The following ASPH variants were observed in gnomAD, a reference collection of about 807,000 sequenced individuals.
ASPH encodes aspartyl/asparaginyl beta-hydroxylase.
Under a neutral mutation model 118.4 loss-of-function variants are expected in ASPH, and 100 were observed. The observed-to-expected ratio is 0.84, with a 90% CI of 0.72 to 1.00. The LOEUF (loss-of-function observed/expected upper bound fraction) is 1.00. Among genes scored for constraint, ASPH ranks in the 50% least tolerant of loss-of-function variants. ASPH has a pLI of 0.00. For missense variants in ASPH, 920 were observed against 919.5 expected, an observed-to-expected ratio of 1.00 and a Z score of -0.01; for synonymous variants, 315 against 325.6, an observed-to-expected ratio of 0.97 and a Z score of 0.35.
At chr8:61,527,990 G>A (rs1356526657) in intron 21 of ASPH, among the ~76,000 whole-genome samples, 1 of 152,178 alleles carries the variant, frequency 6.6e-6, no homozygotes, top group Non-Finnish European at 1.5e-5. Flanking sequence ...CCTTGACATG[G>A]CCTCTTAGTT....
intron 1 of ASPH, among the ~76,000 whole-genome samples, chr8:61,690,624 T>C (rs1163277916): frequency 3.9e-5 from 6 of 152,216 alleles, no homozygotes; most frequent in Non-Finnish European, 4.4e-5. Context: ...TTCTGATTAG[T>C]ATACTAAATT....
At chr8:61,602,768 C>T (rs2133519760) in intron 14 of ASPH, among the ~76,000 whole-genome samples, 1 of 148,156 alleles carries the variant, frequency 6.7e-6, no homozygotes, top group African/African-American at 2.7e-5. Flanking sequence ...GAGGGTTTTA[C>T]AGTTTCATAC....
rs1049232371 is a variant in ASPH at position 61,664,671 on chromosome 8, T to C, written c.323-11011A>G. On this transcript the variant is annotated intron_variant, in intron 3 of 24. Coordinates refer to ENST00000379454, the MANE Select transcript of ASPH (RefSeq NM_004318.4). ...GGGAGGGAGACTAGAAAAGGGGAGA[T>C]AAGAGGGAAAAGGGGAAGGAGAACC... 3.1e-6 allele frequency: 3 copies of C among 980,974 alleles called. No homozygotes were observed. The African/African-American group carries it at 5.4e-5, about 18-fold the overall frequency. 60.8% of individuals were successfully genotyped at this position (980,974 alleles called of 1,614,324 possible). A position where few individuals can be genotyped will look rare whatever the true frequency, so the allele number is the denominator to read the frequency against.
At chr8:61,637,877 G>A (rs1053527111) in intron 12 of ASPH, 70 bp downstream of exon 12, 100 of 1,439,536 alleles carry the variant, frequency 6.9e-5, no homozygotes, top group Non-Finnish European at 8.7e-5. Flanking sequence ...GGAAATGTTC[G>A]ATAAATAACT....
intron 24 of ASPH, among the ~76,000 whole-genome samples, chr8:61,506,106 T>C (rs1806457527): frequency 1.3e-5 from 2 of 152,146 alleles, no homozygotes; most frequent in African/African-American, 4.8e-5. Context: ...ACAAACAAAA[T>C]GTGGTATACA....
At chr8:61,532,240 G>A (rs962663764) in intron 21 of ASPH, among the ~76,000 whole-genome samples, 8 of 152,014 alleles carry the variant, frequency 5.3e-5, no homozygotes, top group African/African-American at 1.9e-4. Context: ...CAGGTATGAG[G>A]TGATATCTCA....
At chr8:61,588,878 A>C (rs1256073635) in intron 14 of ASPH, among the ~76,000 whole-genome samples, 1 of 152,264 alleles carries the variant, frequency 6.6e-6, no homozygotes, top group African/African-American at 2.4e-5. Flanking sequence ...CCCGATGTCC[A>C]TCAACTGGTG....
intron 23 of ASPH, 52 bp downstream of exon 23, chr8:61,517,980 C>T: frequency 2.6e-6 from 4 of 1,530,572 alleles, no homozygotes; most frequent in Non-Finnish European, 3.6e-6. Flanking sequence ...GGTCAACACG[C>T]CCTTATTCCT....
chr8:61,630,301 G>T (rs1854988875), intron 13 of ASPH, among the ~76,000 whole-genome samples: 2 of 152,034 alleles, frequency 1.3e-5, no homozygotes, highest in Non-Finnish European at 2.9e-5. Context: ...CTGAATAAAA[G>T]AATTTTAAAG....
chr8:61,665,398 T>C, intron 3 of ASPH: 1 of 1,613,204 alleles, frequency 6.2e-7, no homozygotes, highest in Non-Finnish European at 8.5e-7. Flanking sequence ...TTTCCTTGGT[T>C]TTAGCACTTT....
At chr8:61,663,603 G>A (rs1818016621) in intron 3 of ASPH, 6 of 985,384 alleles carry the variant, frequency 6.1e-6, no homozygotes, top group Non-Finnish European at 7.2e-6. Flanking sequence ...CAAAGCAGCT[G>A]TAGAATTCCC....
Position 61,503,057 on chromosome 8 carries a change from A to AT in ASPH, c.*301dup. 1 of 238,318 alleles carries AT rather than the reference A, an allele frequency of 4.2e-6. No homozygotes were observed. Among genetic ancestry groups the AT allele is most frequent in the Non-Finnish European group, 8.0e-6 (1 of 125,054 alleles). 14.8% of individuals were successfully genotyped at this position (238,318 alleles called of 1,614,324 possible). ...TCTCATTATACATTGAATTAGACCT[A>AT]TTCTATGTGGAAAAAATATCTTTGG... is the stretch of plus-strand genomic sequence containing the variant. On this transcript the variant is annotated 3_prime_UTR_variant, in exon 25 of 25. Transcript: ENST00000379454.
At chr8:61,504,524 A>T (rs1805680296) in intron 24 of ASPH, among the ~76,000 whole-genome samples, 1 of 152,162 alleles carries the variant, frequency 6.6e-6, no homozygotes, top group Non-Finnish European at 1.5e-5. Context: ...TCAGGTGATT[A>T]ACTAATATAA....
chr8:61,675,867 G>A, intron 3 of ASPH: 1 of 1,377,184 alleles, frequency 7.3e-7, no homozygotes, highest in Non-Finnish European at 9.4e-7. Flanking sequence ...AGAATGAGGA[G>A]TACCATTTTC....
intron 3 of ASPH, 49 bp downstream of exon 3, chr8:61,680,919 T>C: frequency 6.8e-7 from 1 of 1,478,168 alleles, no homozygotes; most frequent in South Asian, 1.3e-5. Flanking sequence ...AAAATAATTG[T>C]TTCCAGCATT....
chr8:61,571,790 A>G lies in ASPH; in HGVS notation c.1150-4472T>C, dbSNP rs76174871. Among the ~76,000 whole-genome samples, 1,520 of 152,286 alleles carry G rather than the reference A, an allele frequency of 1.0e-2. 31 individuals are homozygous for G. Among genetic ancestry groups the G allele is most frequent in the African/African-American group, 0.034 (1,429 of 41,552 alleles). On this transcript the variant is annotated intron_variant, in intron 16 of 24. Coordinates refer to ENST00000379454, the MANE Select transcript of ASPH (RefSeq NM_004318.4). ...AATTAAATTAGCATTTGCATAAACC[A>G]TTTCTCTCTCTAGTTAATATGCTTC... is the stretch of plus-strand genomic sequence containing the variant.
intron 1 of ASPH, among the ~76,000 whole-genome samples, chr8:61,688,703 T>C (rs1002974475): frequency 2.6e-5 from 4 of 152,224 alleles, no homozygotes; most frequent in African/African-American, 9.6e-5. Flanking sequence ...CTATAAAATG[T>C]CACCCTTTGG....
chr8:61,558,347 A>G (rs1828624694), intron 18 of ASPH, among the ~76,000 whole-genome samples: 1 of 152,202 alleles, frequency 6.6e-6, no homozygotes, highest in African/African-American at 2.4e-5. Flanking sequence ...GTGAGTAGAA[A>G]GGGATAGTGG....
chr8:61,689,736 C>CAAA, intron 1 of ASPH: 2 of 1,196,306 alleles, frequency 1.7e-6, no homozygotes, highest in Non-Finnish European at 2.3e-6. Flanking sequence ...TAAAACAAAA[C>CAAA]AAAAAAAAAA....
Sources: allele counts gnomAD v4.1 joint callset (sites outside exome capture counted in the v4.1 genomes callset), GRCh38; gene constraint gnomAD v4.1.1; transcripts MANE v1.5; gene names NCBI Gene and HGNC (gene_info 2026-07-23, HGNC 2026-07-21).